PCNX2: variants seen among roughly 807,000 people sequenced by gnomAD.
The protein encoded by PCNX2 is pecanex 2.
A neutral mutation model predicts 223.8 loss-of-function variants in PCNX2; 168 were observed. The ratio of observed to expected loss-of-function variants is 0.75; its 90% CI spans 0.66 to 0.85. The LOEUF (loss-of-function observed/expected upper bound fraction) is 0.85. PCNX2 is among the 40% of genes least tolerant of loss of function. The pLI is 0.00. For synonymous variants in PCNX2, 1,006 were observed against 1,052.6 expected (o/e 0.96, Z 0.86); for missense variants, 2,507 against 2,675.5 (o/e 0.94, Z 1.39).
chr1:233,107,463 A>G (rs1674863726), intron 21 of PCNX2, among the ~76,000 whole-genome samples: 1 of 152,114 alleles, frequency 6.6e-6, no homozygotes, highest in South Asian at 2.1e-4. Context: ...GCTATGTCTC[A>G]ATCATGATCC....
intron 21 of PCNX2, among the ~76,000 whole-genome samples, chr1:233,131,942 C>CTTT (rs11387690): frequency 6.8e-6 from 1 of 146,950 alleles, no homozygotes; most frequent in Non-Finnish European, 1.5e-5. Context: ...CGTTTTAGAT[C>CTTT]TTTTTTTTTT....
rs769363917 is a variant in PCNX2, at chr1:233,258,276, C to T, written c.1586G>A (p.Arg529Gln). Reference protein sequence around the residue: ...CKSSHEKRHARVLSVDSGTDV... With the variant: ...CKSSHEKRHAQVLSVDSGTDV... ...TGTCCCACTGTCCACACTGAGCACCCGGGCATGCCTCTTTTCATGGCTGGA... is the reference window on the plus strand; with the variant it reads ...TGTCCCACTGTCCACACTGAGCACCTGGGCATGCCTCTTTTCATGGCTGGA... Residue 529 changes from arginine to glutamine, a missense_variant, in exon 5 of 34, where the codon CGG (arginine) becomes CAG (glutamine). By Grantham distance (43) the Arg-to-Gln change is conservative. Around this residue, in one of 3 missense-constraint regions of PCNX2, gnomAD observed 1,031 missense variants for 1,021.7 expected, o/e 1.01. Transcript: ENST00000258229. The T allele has an allele frequency of 1.7e-5, 28 of 1,613,862 alleles. No individual in the cohort carries two copies. Among genetic ancestry groups the T allele is most frequent in the African/African-American group, 4.0e-5 (3 of 74,928 alleles).
chr1:233,067,365 C>CAAAAAAAAAAAA, intron 23 of PCNX2, among the ~76,000 whole-genome samples: 15 of 3,890 alleles, frequency 3.9e-3, no homozygotes, highest in East Asian at 8.8e-3. Context: ...AGAGCTTCAG[C>CAAAAAAAAAAAA]AAAAAAAAAA....
chr1:233,073,790 A>T (rs180929033), intron 23 of PCNX2, among the ~76,000 whole-genome samples: 73 of 151,810 alleles, frequency 4.8e-4, no homozygotes, highest in African/African-American at 9.9e-4. Flanking sequence ...TTTAAAAAAA[A>T]TTTTTTGAAG....
intron 1 of PCNX2, among the ~76,000 whole-genome samples, chr1:233,280,171 TC>T (rs1661118055): frequency 6.6e-6 from 1 of 152,212 alleles, no homozygotes; most frequent in South Asian, 2.1e-4. Context: ...TTAAGCCAAT[TC>T]CTTCTCAATG....
chr1:233,224,325 G>A (rs149491115), intron 10 of PCNX2, among the ~76,000 whole-genome samples: 101 of 152,302 alleles, frequency 6.6e-4, no homozygotes, highest in African/African-American at 2.3e-3. Flanking sequence ...AGTAGAATAG[G>A]TGGAGAACTG....
intron 13 of PCNX2, among the ~76,000 whole-genome samples, chr1:233,205,186 T>C (rs1485773273): frequency 6.6e-6 from 1 of 152,170 alleles, no homozygotes; most frequent in Non-Finnish European, 1.5e-5. Context: ...ATGAGGGAGA[T>C]ACCCATGTAC....
intron 21 of PCNX2, among the ~76,000 whole-genome samples, chr1:233,132,302 C>T (rs1676551730): frequency 6.6e-6 from 1 of 152,118 alleles, no homozygotes; most frequent in South Asian, 2.1e-4. Context: ...CCCCATTCTA[C>T]ACAGGATGTC....
At chr1:233,032,111 CTTTT>C (rs756565967) in intron 25 of PCNX2, 46 of 583,354 alleles carry the variant, frequency 7.9e-5, no homozygotes, top group East Asian at 1.7e-4. Flanking sequence ...TTCTTTCTTT[CTTTT>C]TTTTGAGATA....
intron 19 of PCNX2, among the ~76,000 whole-genome samples, chr1:233,149,459 T>TGG (rs1558283400): frequency 7.1e-6 from 1 of 140,958 alleles, no homozygotes; most frequent in African/African-American, 3.2e-5. Context: ...TGCATTTCAG[T>TGG]GGGGGTGAGG....
chr1:233,145,713 A>G (rs936444209), intron 19 of PCNX2, among the ~76,000 whole-genome samples: 13 of 152,164 alleles, frequency 8.5e-5, no homozygotes, highest in African/African-American at 3.1e-4. Context: ...TACCACTGAC[A>G]GTGTTTAGAA....
chr1:233,149,470 C>T (rs1558283457), intron 19 of PCNX2, among the ~76,000 whole-genome samples: 1 of 145,490 alleles, frequency 6.9e-6, no homozygotes, highest in Non-Finnish European at 1.5e-5. Flanking sequence ...GGGGGTGAGG[C>T]TTGAATCAAC....
chr1:233,085,109 C>T (rs779148915), intron 23 of PCNX2, among the ~76,000 whole-genome samples: 5 of 152,026 alleles, frequency 3.3e-5, no homozygotes, highest in African/African-American at 7.2e-5. Flanking sequence ...CTGAGGAGGG[C>T]GGATCACAAG....
chr1:233,000,344 G>C lies in PCNX2; in HGVS notation c.5289C>G (p.Ile1763Met). 2 of 1,613,980 alleles carry C rather than the reference G, an allele frequency of 1.2e-6. No homozygotes were observed. Among genetic ancestry groups the C allele is most frequent in the Non-Finnish European group, 1.7e-6 (2 of 1,179,878 alleles). The change falls in exon 30 of 34, where the codon ATC (isoleucine) becomes ATG (methionine). Residue 1763 changes from isoleucine to methionine, a missense_variant. Around this residue, in one of 3 missense-constraint regions of PCNX2, gnomAD observed 1,372 missense variants for 1,509.4 expected, o/e 0.91. Transcript: ENST00000258229. This position sits in a 1 kb window ranked among gnomAD's most constrained non-coding sequence, Gnocchi z 4.6. ...VDEGADEYKV[I>M]MLHRSFLSFK... ...AGCTCAGGAAGCTTCTGTGGAGCAT[G>C]ATGACCTTGTACTCGTCGGCACCCT...
At chr1:233,049,314 T>C (rs1671918011) in intron 25 of PCNX2, among the ~76,000 whole-genome samples, 1 of 152,186 alleles carries the variant, frequency 6.6e-6, no homozygotes, top group South Asian at 2.1e-4. Context: ...ATTCCTAGGA[T>C]GCAAGGTTGG....
chr1:232,991,898 T>C lies in PCNX2; in HGVS notation c.5792-5358A>G, dbSNP rs1669711888. Among the ~76,000 whole-genome samples the C allele has an allele frequency of 6.6e-6, 1 of 152,174 alleles. No homozygotes were observed. Among genetic ancestry groups the C allele is most frequent in the African/African-American group, 2.4e-5 (1 of 41,430 alleles). On this transcript the variant is annotated intron_variant, in intron 32 of 33. Coordinates refer to ENST00000258229, the MANE Select transcript of PCNX2 (RefSeq NM_014801.4). The surrounding 1 kb of genome is among the most constrained non-coding windows in gnomAD (Gnocchi z 4.3). ...AAGCCACCTGAGCCATGGTACTTTG[T>C]CATGGCAGCCCAAGCAGACTCACAC...
intron 22 of PCNX2, among the ~76,000 whole-genome samples, chr1:233,095,031 C>T (rs576276029): frequency 1.3e-5 from 2 of 152,232 alleles, no homozygotes; most frequent in East Asian, 3.9e-4. Context: ...ATATTTTAGG[C>T]CTGAGTCAAA....
chr1:233,311,417 T>C, the PCNX2 span, among the ~76,000 whole-genome samples: 1 of 152,226 alleles, frequency 6.6e-6, no homozygotes, highest in African/African-American at 2.4e-5. Flanking sequence ...ACCAAGCCCA[T>C]GGCTCCAGAG....
intron 13 of PCNX2, among the ~76,000 whole-genome samples, chr1:233,203,430 GAA>G (rs1681248345): frequency 6.6e-6 from 1 of 152,062 alleles, no homozygotes; most frequent in African/African-American, 2.4e-5. Context: ...TAAAAATAAA[GAA>G]TATTTTTTCT....
Sources: gnomAD v4.1 joint callset for allele counts (sites outside exome capture counted in the v4.1 genomes callset) on GRCh38, gnomAD v4.1.1 for gene constraint, gnomAD v4.1.1 regional missense constraint, Gnocchi (gnomAD v3.1) non-coding constraint, MANE v1.5 for transcripts, NCBI Gene and HGNC (gene_info 2026-07-23, HGNC 2026-07-21) for gene names.